The following NCOR2 variants were observed in gnomAD, a reference collection of about 807,000 sequenced individuals.
NCOR2 encodes the protein nuclear receptor corepressor 2.
Under a neutral mutation model 262.9 loss-of-function variants are expected in NCOR2, and 81 were observed. The ratio of observed to expected loss-of-function variants is 0.31; its 90% CI spans 0.26 to 0.37. NCOR2 has a LOEUF of 0.37. Ranked by LOEUF, NCOR2 falls within the 10% of genes least tolerant of loss-of-function variation. NCOR2 has a pLI of 1.00. For missense variants in NCOR2, 3,385 were observed against 3,621.4 expected (o/e 0.93, Z 1.68); for synonymous variants, 1,659 against 1,559.3 (o/e 1.06, Z -1.51).
At chr12:124,393,260 C>T (rs987854604) in intron 16 of NCOR2, among the ~76,000 whole-genome samples, 1 of 152,174 alleles carries the variant, frequency 6.6e-6, no homozygotes, top group Admixed American at 6.5e-5. Flanking sequence ...GGCGCTGGGC[C>T]CGAGGGCAGG....
chr12:124,435,050 G>A (rs1419737616), intron 8 of NCOR2, among the ~76,000 whole-genome samples: 1 of 152,210 alleles, frequency 6.6e-6, no homozygotes, highest in African/African-American at 2.4e-5. Flanking sequence ...CACGCGACCT[G>A]GCTCCTGCTG....
exon 47 of NCOR2, chr12:124,325,196 G>T: frequency 2.6e-6 from 1 of 377,602 alleles, no homozygotes. Context: ...AGTAAGGTCT[G>T]CACAGGGCCA....
intron 37 of NCOR2, among the ~76,000 whole-genome samples, chr12:124,337,631 G>A (rs1185182872): frequency 6.6e-6 from 1 of 152,200 alleles, no homozygotes; most frequent in Non-Finnish European, 1.5e-5. Context: ...GGGCACATGA[G>A]GGAGCTGGGC....
exon 33 of NCOR2, chr12:124,343,144 G>A (rs373052707): frequency 1.1e-5 from 17 of 1,611,796 alleles, no homozygotes; most frequent in Middle Eastern, 1.7e-4. Context: ...GCTCGGGCAC[G>A]GTGCTGTGCG....
At chr12:124,332,196 C>T (rs552340677) in intron 43 of NCOR2, 123 bp downstream of exon 45, 3 of 1,251,086 alleles carry the variant, frequency 2.4e-6, no homozygotes, top group East Asian at 2.4e-5. Flanking sequence ...AGGTGGTCAG[C>T]AGGGCCACTT....
chr12:124,333,848 G>A (rs531365964), intron 41 of NCOR2, among the ~76,000 whole-genome samples: 4 of 113,658 alleles, frequency 3.5e-5, no homozygotes, highest in South Asian at 3.4e-4. Context: ...GCCTGTGTGC[G>A]GGTGTGCATG....
chr12:124,335,727 G>A, intron 38 of NCOR2, 95 bp from the exon 41 acceptor site: 3 of 1,393,610 alleles, frequency 2.2e-6, no homozygotes, highest in South Asian at 1.4e-5. Context: ...GGACCCCGGG[G>A]GGGTCAAGGG....
chr12:124,566,177 T>C lies in NCOR2; in HGVS notation c.-165+1131A>G, dbSNP rs533778605. ...CTCCAAATCTGCAAAAAGGGAAAAA[T>C]AATAATAATCACAATAAAACCAGTT... On this transcript the variant is annotated intron_variant, in intron 1 of 32. Coordinates refer to the NCOR2 transcript ENST00000458234. The surrounding 1 kb of genome is among the most constrained non-coding windows in gnomAD (Gnocchi z 4.3). 8.6e-5 allele frequency among the ~76,000 whole-genome samples: 13 copies of C among 150,814 alleles called. No individual in the cohort carries two copies. The South Asian group carries it at 2.7e-3, about 32-fold the overall frequency.
intron 11 of NCOR2, among the ~76,000 whole-genome samples, chr12:124,425,149 C>T (rs1244089): frequency 6.6e-6 from 1 of 152,132 alleles, no homozygotes; most frequent in Non-Finnish European, 1.5e-5. Context: ...CCGAGACGGG[C>T]GGATCACGAG....
intron 1 of NCOR2, among the ~76,000 whole-genome samples, chr12:124,505,379 C>T (rs895815334): frequency 6.6e-6 from 1 of 152,232 alleles, no homozygotes; most frequent in Non-Finnish European, 1.5e-5. Context: ...GTCTCCCCCA[C>T]CAGGCAGGGC....
chr12:124,418,017 C>T (rs139989935), intron 13 of NCOR2, among the ~76,000 whole-genome samples: 1,583 of 150,582 alleles, frequency 0.011, 24 homozygotes, highest in African/African-American at 0.036. Context: ...GCTGGGATCG[C>T]GCCACTGCAC....
intron 14 of NCOR2, among the ~76,000 whole-genome samples, chr12:124,401,581 G>A (rs903008078): frequency 6.6e-6 from 1 of 152,254 alleles, no homozygotes; most frequent in Non-Finnish European, 1.5e-5. Flanking sequence ...ACATTGGCAG[G>A]AGGAAACTCT....
chr12:124,503,589 CGGAT>C lies in NCOR2; in HGVS notation c.-117-8225_-117-8222del, dbSNP rs1042751567. Among the ~76,000 whole-genome samples the C allele has an allele frequency of 1.8e-4, 24 of 133,852 alleles. No homozygotes were observed. The South Asian group carries it at 2.4e-3, about 13-fold the overall frequency. The allele number at this position is 133,852 out of a possible 152,430, so 87.8% of individuals were successfully genotyped here. The stretch of plus-strand genomic sequence containing the variant: ...GATAGATGGAAGACGGACGGATGGA[CGGAT>C]GGATGGATGGACGGACGGACGGATG... On this transcript the variant is annotated intron_variant, in intron 1 of 46. Transcript: ENST00000404621. The surrounding 1 kb of genome is among the most constrained non-coding windows in gnomAD (Gnocchi z 4.3).
intron 5 of NCOR2, among the ~76,000 whole-genome samples, chr12:124,463,717 C>CA (rs1180617227): frequency 6.6e-6 from 1 of 152,226 alleles, no homozygotes; most frequent in Non-Finnish European, 1.5e-5. Context: ...ACTGATCCCC[C>CA]AAGGGGCGGT....
chr12:124,402,991 C>T (rs868116290), intron 13 of NCOR2, among the ~76,000 whole-genome samples: 2 of 152,156 alleles, frequency 1.3e-5, no homozygotes, highest in Non-Finnish European at 1.5e-5. Context: ...TGCTTACATC[C>T]GCATCTGGCC....
rs887993952 is a variant in NCOR2 at position 124,504,427 on chromosome 12, A to T, written c.-117-9059T>A. On this transcript the variant is annotated intron_variant, in intron 1 of 46. Transcript: ENST00000404621. The surrounding 1 kb of genome is among the most constrained non-coding windows in gnomAD (Gnocchi z 4.5). ...TGGCTTCTCCTAATGAGGGCTGCTC[A>T]CACATTGCGGGTGGGAATGTCAGAT... Among the ~76,000 whole-genome samples, 1 of 152,200 alleles carries T rather than the reference A, an allele frequency of 6.6e-6. No homozygotes were observed. The highest frequency in any genetic ancestry group is 1.5e-5 in the Non-Finnish European group (1 of 68,042).
In NCOR2 at chr12:124,517,114, G is replaced by A. The variant is rs2049851177; in HGVS notation, c.-118+18451C>T. ...GTCCCATGCTTGTGTAGACCCCACT[G>A]TGCCCCATTTTACAGACGAGGAAAC... On this transcript the variant is annotated intron_variant, in intron 1 of 46. Coordinates refer to the NCOR2 transcript ENST00000404621. This position sits in a 1 kb window ranked among gnomAD's most constrained non-coding sequence, Gnocchi z 7.6. 6.6e-6 allele frequency among the ~76,000 whole-genome samples: 1 copy of A among 151,822 alleles called. No individual in the cohort carries two copies. The highest frequency in any genetic ancestry group is 6.6e-5 in the Admixed American group (1 of 15,250).
Position 124,325,618 on chromosome 12 carries a change from C to T in NCOR2, c.7364-35G>A. On this transcript the variant is annotated intron_variant, in intron 46 of 46. Coordinates refer to ENST00000405201, the Ensembl canonical transcript of NCOR2. ...GAAGCGAAAGATGCCCAGGAGGCCT[C>T]TGTGAGCCCGGCAGCCCCTGCTGGC... The T allele has an allele frequency of 3.2e-6, 4 of 1,257,726 alleles. No homozygotes were observed. The South Asian group carries it at 1.0e-4, about 32-fold the overall frequency. The allele number at this position is 1,257,726 out of a possible 1,614,324, so 77.9% of individuals were successfully genotyped here.
intron 1 of NCOR2, among the ~76,000 whole-genome samples, chr12:124,544,511 A>C (rs1343507290): frequency 6.6e-6 from 1 of 152,186 alleles, no homozygotes; most frequent in Non-Finnish European, 1.5e-5. Flanking sequence ...GAGATTTGTC[A>C]CGAGGGCCTG....
Sources: gnomAD v4.1 joint callset for allele counts (sites outside exome capture counted in the v4.1 genomes callset) on GRCh38, gnomAD v4.1.1 for gene constraint, Gnocchi (gnomAD v3.1) non-coding constraint, MANE v1.5 for transcripts, NCBI Gene and HGNC (gene_info 2026-07-23, HGNC 2026-07-21) for gene names.